The following ERI1 variants were observed in gnomAD, a reference collection of about 807,000 sequenced individuals.
The protein encoded by ERI1 is 3'-5' exoribonuclease 1.
In ERI1, 39 loss-of-function variants were observed where a neutral mutation model predicts 39.7. That is an observed-to-expected ratio of 0.98 (90% CI 0.76 to 1.28). The LOEUF is 1.28. Among genes scored for constraint, ERI1 ranks in the 50% most tolerant of loss-of-function variants. ERI1 has a pLI of 0.00. For synonymous variants in ERI1, 204 were observed against 149.6 expected (o/e 1.36, Z -2.65); for missense variants, 581 against 416.9 (o/e 1.39, Z -3.43).
intron 3 of ERI1, among the ~76,000 whole-genome samples, chr8:9,012,501 T>C (rs940122079): frequency 6.6e-6 from 1 of 152,258 alleles, no homozygotes; most frequent in Non-Finnish European, 1.5e-5. Context: ...TGAATTAAAA[T>C]GCATAGGTTA....
intron 1 of ERI1, among the ~76,000 whole-genome samples, chr8:9,004,870 T>G (rs1333298281): frequency 6.6e-6 from 1 of 151,952 alleles, no homozygotes; most frequent in Non-Finnish European, 1.5e-5. Flanking sequence ...GTATTTTTAG[T>G]AGAGATGGGG....
At chr8:9,056,077 A>G (rs1252758321) in intron 3 of ERI1, among the ~76,000 whole-genome samples, 8 of 152,202 alleles carry the variant, frequency 5.3e-5, no homozygotes, top group Non-Finnish European at 1.0e-4. Flanking sequence ...CATCCCTCAG[A>G]AGCTCTGGGA....
At chr8:9,066,599 G>A (rs1798886589) in intron 3 of ERI1, among the ~76,000 whole-genome samples, 1 of 152,214 alleles carries the variant, frequency 6.6e-6, no homozygotes, top group African/African-American at 2.4e-5. Context: ...ATTTTGTGAA[G>A]ATGTAGGACA....
chr8:9,064,955 G>A (rs548352243), intron 3 of ERI1, among the ~76,000 whole-genome samples: 6 of 152,264 alleles, frequency 3.9e-5, no homozygotes, highest in African/African-American at 9.6e-5. Flanking sequence ...AGGAAAAAGC[G>A]GGGTTGTTCT....
chr8:9,081,857 G>A (rs573233914), intron 3 of ERI1, among the ~76,000 whole-genome samples: 2 of 152,148 alleles, frequency 1.3e-5, no homozygotes, highest in South Asian at 2.1e-4. Flanking sequence ...CATTTCTTAT[G>A]AAAAATAAGC....
intron 3 of ERI1, among the ~76,000 whole-genome samples, chr8:9,062,374 G>T: frequency 6.6e-6 from 1 of 151,854 alleles, no homozygotes. Context: ...TCCAGGAACA[G>T]TCAGGGAAGC....
chr8:9,091,897 T>C (rs1799716581), intron 3 of ERI1, among the ~76,000 whole-genome samples: 1 of 118,456 alleles, frequency 8.4e-6, no homozygotes, highest in African/African-American at 2.6e-5. Flanking sequence ...GTAACAAAAT[T>C]GTTAATTTGT....
At chr8:9,083,843 G>A (rs936734889) in intron 3 of ERI1, among the ~76,000 whole-genome samples, 127 of 152,138 alleles carry the variant, frequency 8.3e-4, no homozygotes, top group African/African-American at 2.9e-3. Context: ...GCCCAGGCTG[G>A]AGTGCAGTGG....
chr8:9,038,775 G>A (rs1008307500), intron 3 of ERI1, among the ~76,000 whole-genome samples: 2 of 152,114 alleles, frequency 1.3e-5, no homozygotes, highest in Non-Finnish European at 2.9e-5. Context: ...TTTGCATAAT[G>A]GATCAAGATG....
In ERI1 at chr8:9,040,245, CT is replaced by C. The variant is rs144365025; in HGVS notation, n.299+19784del. 0.016 allele frequency among the ~76,000 whole-genome samples: 2,369 copies of C among 152,294 alleles called. 75 individuals carry two copies. The East Asian group carries it at 0.16, about 10-fold the overall frequency. On this transcript the variant is annotated intron_variant and non_coding_transcript_variant, in intron 3 of 3. Transcript: ENST00000518663. ...TGTTCAATAAAAATCATTACTTTCACTTTACCACATATTCACATTTTGAATA... is the reference window on the plus strand; with the variant it reads ...TGTTCAATAAAAATCATTACTTTCACTTACCACATATTCACATTTTGAATA...
chr8:9,011,790 G>A, intron 3 of ERI1, 38 bp downstream of exon 3: 2 of 1,481,922 alleles, frequency 1.3e-6, no homozygotes, highest in Non-Finnish European at 1.8e-6. Context: ...ATTTCTAGCA[G>A]CAACTATTCT....
chr8:9,047,774 AT>A (rs372882278), intron 3 of ERI1, among the ~76,000 whole-genome samples: 31 of 152,258 alleles, frequency 2.0e-4, no homozygotes, highest in African/African-American at 7.2e-4. Context: ...AGTTCCACCT[AT>A]ACCTATTTAT....
intron 3 of ERI1, among the ~76,000 whole-genome samples, chr8:9,077,723 G>A (rs1799251641): frequency 1.3e-5 from 2 of 152,232 alleles, no homozygotes; most frequent in African/African-American, 2.4e-5. Context: ...CCTGAGTTAA[G>A]CTTCCCTGGC....
chr8:9,044,451 G>T (rs764216177), intron 3 of ERI1, among the ~76,000 whole-genome samples: 13 of 152,138 alleles, frequency 8.5e-5, no homozygotes, highest in Non-Finnish European at 1.6e-4. Flanking sequence ...TTCAGTAGGA[G>T]AGTTCACACT....
At chr8:9,077,021 T>C (rs1166822035) in intron 3 of ERI1, among the ~76,000 whole-genome samples, 1 of 152,248 alleles carries the variant, frequency 6.6e-6, no homozygotes, top group East Asian at 1.9e-4. Context: ...GCTGCCTCCA[T>C]GCTCTTCCCC....
intron 3 of ERI1, among the ~76,000 whole-genome samples, chr8:9,097,219 T>G (rs1054591716): frequency 6.6e-6 from 1 of 152,200 alleles, no homozygotes; most frequent in Non-Finnish European, 1.5e-5. Context: ...GCTACATATT[T>G]TTTATATTTT....
chr8:9,060,267 A>G (rs1444884374), intron 3 of ERI1, among the ~76,000 whole-genome samples: 72 of 152,170 alleles, frequency 4.7e-4, no homozygotes, highest in African/African-American at 2.4e-5. Flanking sequence ...AGAAGGGAAG[A>G]AATGACCGCG....
chr8:9,076,102 A>G (rs866332114), intron 3 of ERI1, among the ~76,000 whole-genome samples: 2 of 152,066 alleles, frequency 1.3e-5, no homozygotes, highest in Non-Finnish European at 2.9e-5. Flanking sequence ...ATGCCCAGCT[A>G]ATTTTTGCTG....
chr8:9,026,450 C>G (rs1271015833), intron 6 of ERI1, among the ~76,000 whole-genome samples: 1 of 152,134 alleles, frequency 6.6e-6, no homozygotes, highest in Middle Eastern at 3.2e-3. Context: ...TTTGACTTAT[C>G]TATATACCTC....
Sources: gnomAD v4.1 joint callset for allele counts (sites outside exome capture counted in the v4.1 genomes callset) on GRCh38, gnomAD v4.1.1 for gene constraint, MANE v1.5 for transcripts, NCBI Gene and HGNC (gene_info 2026-07-23, HGNC 2026-07-21) for gene names.